The following GPC6 variants were observed in gnomAD, a reference collection of about 807,000 sequenced individuals.
GPC6 encodes glypican 6.
Under a neutral mutation model 55.2 loss-of-function variants are expected in GPC6, and 14 were observed. The observed-to-expected ratio is 0.25, with a 90% CI of 0.17 to 0.40. The LOEUF is 0.40. Ranked by LOEUF, GPC6 falls within the 10% of genes least tolerant of loss-of-function variation. GPC6 has a pLI of 1.00. For synonymous variants in GPC6, 278 were observed against 259.6 expected (o/e 1.07, Z -0.68); for missense variants, 641 against 708.5 (o/e 0.90, Z 1.08).
At chr13:93,877,885 A>G (rs370165388) in intron 3 of GPC6, among the ~76,000 whole-genome samples, 1 of 152,036 alleles carries the variant, frequency 6.6e-6, no homozygotes, top group African/African-American at 2.4e-5. Flanking sequence ...ATACTCATAA[A>G]TGACTATGGG....
rs1276644754 is a variant in GPC6, at chr13:94,190,011, ACT to A, written c.878-96335_878-96334del. Among the ~76,000 whole-genome samples, 6 of 142,278 alleles carry A rather than the reference ACT, an allele frequency of 4.2e-5. No homozygotes were observed. In the East Asian group the frequency reaches 6.5e-4, roughly 15 times the overall value. The allele number at this position is 142,278 out of a possible 152,430, so 93.3% of individuals were successfully genotyped here. On this transcript the variant is annotated intron_variant, in intron 4 of 8. Transcript: ENST00000377047. ...ACCCCAGCCTGGGAGACAGAGCAAG[ACT>A]CTGTCTCAAAAAAAAAAAAAAGTAT... is the stretch of plus-strand genomic sequence containing the variant.
chr13:93,240,834 G>T (rs778418614), intron 1 of GPC6, among the ~76,000 whole-genome samples: 2 of 152,072 alleles, frequency 1.3e-5, no homozygotes, highest in Admixed American at 6.5e-5. Context: ...GTCCAGTCTA[G>T]TGGTGACAGA....
chr13:93,292,531 G>A (rs4773728), intron 1 of GPC6, among the ~76,000 whole-genome samples: 16,372 of 152,016 alleles, frequency 0.11, 1,128 homozygotes, highest in East Asian at 0.36. Flanking sequence ...TAAAGAAAGC[G>A]TTTCCATGAC....
rs115189705 is a variant in GPC6, at chr13:93,264,942, C to T, written c.160+37326C>T. Among the ~76,000 whole-genome samples the T allele has an allele frequency of 7.2e-3, 1,103 of 152,184 alleles. 11 individuals are homozygous for T. Among genetic ancestry groups the T allele is most frequent in the African/African-American group, 0.026 (1,061 of 41,512 alleles). On this transcript the variant is annotated intron_variant, in intron 1 of 8. Coordinates refer to ENST00000377047, the MANE Select transcript of GPC6 (RefSeq NM_005708.5). ...TATGTGAATCCCTATATAGTAAGCCCAGTCTTCATTCACCAACACTTTTTT... is the reference window on the plus strand; with the variant it reads ...TATGTGAATCCCTATATAGTAAGCCTAGTCTTCATTCACCAACACTTTTTT...
At chr13:93,893,712 C>G (rs1182990157) in intron 3 of GPC6, among the ~76,000 whole-genome samples, 1 of 152,152 alleles carries the variant, frequency 6.6e-6, no homozygotes, top group East Asian at 1.9e-4. Flanking sequence ...ACACAAAAAT[C>G]AGAAGATCTG....
intron 1 of GPC6, among the ~76,000 whole-genome samples, chr13:93,331,318 T>C (rs1334673530): frequency 1.4e-5 from 2 of 148,026 alleles, no homozygotes; most frequent in Non-Finnish European, 3.0e-5. Context: ...TAAATGAAAA[T>C]TATCCATTCT....
chr13:93,668,328 C>T (rs1293961634), intron 2 of GPC6, among the ~76,000 whole-genome samples: 2 of 152,164 alleles, frequency 1.3e-5, no homozygotes, highest in Admixed American at 6.5e-5. Context: ...GCCACTTAAA[C>T]TTCCTGAAGC....
intron 2 of GPC6, among the ~76,000 whole-genome samples, chr13:93,656,525 G>T (rs917274460): frequency 6.6e-6 from 1 of 152,028 alleles, no homozygotes. Context: ...TTAGACTGTT[G>T]TATTTTCTGT....
chr13:93,589,133 G>A (rs1449253828), intron 2 of GPC6, among the ~76,000 whole-genome samples: 1 of 152,072 alleles, frequency 6.6e-6, no homozygotes, highest in Non-Finnish European at 1.5e-5. Flanking sequence ...AAGAGTACAA[G>A]GAGCTCCTTT....
intron 1 of GPC6, among the ~76,000 whole-genome samples, chr13:93,268,441 G>T (rs1877398927): frequency 6.6e-6 from 1 of 152,164 alleles, no homozygotes; most frequent in African/African-American, 2.4e-5. Flanking sequence ...AGTGAGAAAA[G>T]CTACAGAATG....
At chr13:93,719,988 T>C (rs1234191854) in intron 2 of GPC6, among the ~76,000 whole-genome samples, 2 of 152,178 alleles carry the variant, frequency 1.3e-5, no homozygotes, top group African/African-American at 4.8e-5. Flanking sequence ...GGGTTGCCAG[T>C]ATTTTATTGA....
intron 2 of GPC6, among the ~76,000 whole-genome samples, chr13:93,802,161 GA>G (rs1205717363): frequency 6.6e-6 from 1 of 152,010 alleles, no homozygotes; most frequent in African/African-American, 2.4e-5. Flanking sequence ...AAATCAAAGG[GA>G]CATACTTTTA....
chr13:94,324,330 A>C (rs1594169216), intron 6 of GPC6, among the ~76,000 whole-genome samples: 1 of 150,438 alleles, frequency 6.6e-6, no homozygotes, highest in Admixed American at 6.6e-5. Context: ...AAAAAAAAAA[A>C]CTCAAGCCAG....
At chr13:94,181,249 CT>C (rs1888983007) in intron 4 of GPC6, among the ~76,000 whole-genome samples, 1 of 152,126 alleles carries the variant, frequency 6.6e-6, no homozygotes, top group African/African-American at 2.4e-5. Context: ...CTAATAAAAA[CT>C]TGCTGGTTTT....
intron 1 of GPC6, among the ~76,000 whole-genome samples, chr13:93,499,510 G>C (rs951849390): frequency 6.6e-6 from 1 of 152,220 alleles, no homozygotes; most frequent in Admixed American, 6.5e-5. Context: ...GAACGGGACT[G>C]AGTTAGGGCA....
At chr13:93,596,609 A>AT (rs1491229525) in intron 2 of GPC6, among the ~76,000 whole-genome samples, 90 of 42,292 alleles carry the variant, frequency 2.1e-3, no homozygotes, top group African/African-American at 7.3e-3. Flanking sequence ...ATAAATAAAT[A>AT]AATATATATA....
intron 1 of GPC6, among the ~76,000 whole-genome samples, chr13:93,497,796 C>T (rs1442080879): frequency 1.3e-5 from 2 of 152,202 alleles, no homozygotes; most frequent in African/African-American, 4.8e-5. Context: ...TAATGGTGAT[C>T]ATGACAAATA....
In GPC6 at chr13:93,729,591, G is replaced by A. The variant is rs143483420; in HGVS notation, c.320-100563G>A. 1.8e-3 allele frequency among the ~76,000 whole-genome samples: 272 copies of A among 152,312 alleles called. 1 individual carries two copies. Among genetic ancestry groups the A allele is most frequent in the African/African-American group, 6.0e-3 (251 of 41,572 alleles). On this transcript the variant is annotated intron_variant, in intron 2 of 8. Transcript: ENST00000377047. ...TAACATCAAGAGTTGGCAGGGTTGA[G>A]GAGCAACCGGAATTCTCAATTTACA...
intron 2 of GPC6, among the ~76,000 whole-genome samples, chr13:93,720,916 C>G (rs1392586110): frequency 6.6e-6 from 1 of 151,964 alleles, no homozygotes; most frequent in African/African-American, 2.4e-5. Context: ...TTTGATTGCA[C>G]TGTGGTCTGA....
Sources: allele counts gnomAD v4.1 joint callset (sites outside exome capture counted in the v4.1 genomes callset), GRCh38; gene constraint gnomAD v4.1.1; transcripts MANE v1.5; gene names NCBI Gene and HGNC (gene_info 2026-07-23, HGNC 2026-07-21).